The following CCDC3 variants were observed in gnomAD, a reference collection of about 807,000 sequenced individuals.
CCDC3 encodes coiled-coil domain-containing protein 3.
A neutral mutation model predicts 21.4 loss-of-function variants in CCDC3; 24 were observed. That is an observed-to-expected ratio of 1.12 (90% CI 0.81 to 1.58). The LOEUF (loss-of-function observed/expected upper bound fraction) is 1.58. Ranked by LOEUF, CCDC3 falls within the 40% of genes most tolerant of loss-of-function variation. The pLI, the probability that CCDC3 is intolerant of heterozygous loss-of-function variation, is 0.00. For missense variants in CCDC3, 425 were observed against 360.9 expected (o/e 1.18, Z -1.44); for synonymous variants, 186 against 166.0 (o/e 1.12, Z -0.93).
intron 4 of CCDC3, among the ~76,000 whole-genome samples, chr10:13,056,897 T>A (rs1374559043): frequency 2.0e-5 from 3 of 152,156 alleles, no homozygotes; most frequent in African/African-American, 7.2e-5. Context: ...AATTAATTAA[T>A]TAAGGCAGCT....
At chr10:13,022,415 T>G (rs924772210) in intron 5 of CCDC3, among the ~76,000 whole-genome samples, 17 of 152,148 alleles carry the variant, frequency 1.1e-4, no homozygotes, top group African/African-American at 4.1e-4. Flanking sequence ...CCATCTTAGA[T>G]CAGGAGCCTA....
At chr10:12,962,446 T>C (rs1835193714) in intron 2 of CCDC3, among the ~76,000 whole-genome samples, 1 of 152,070 alleles carries the variant, frequency 6.6e-6, no homozygotes. Flanking sequence ...CTACTAAATA[T>C]ACAAAAATTA....
chr10:13,047,179 G>A (rs1156658166), intron 5 of CCDC3, among the ~76,000 whole-genome samples: 1 of 145,980 alleles, frequency 6.9e-6, no homozygotes, highest in Non-Finnish European at 1.5e-5. Context: ...CATGGAAATT[G>A]TGGACCCAGA....
intron 2 of CCDC3, among the ~76,000 whole-genome samples, chr10:12,913,447 A>G (rs1564280975): frequency 6.6e-6 from 1 of 152,194 alleles, no homozygotes; most frequent in Non-Finnish European, 1.5e-5. Context: ...CTCAGACTTT[A>G]CTGAATTTGT....
At chr10:13,096,962 T>G (rs1832634587) in intron 3 of CCDC3, among the ~76,000 whole-genome samples, 1 of 152,174 alleles carries the variant, frequency 6.6e-6, no homozygotes, top group African/African-American at 2.4e-5. Context: ...AGATCAGGCT[T>G]TCTCAAAAGA....
At chr10:12,928,049 GCAGGTGTGCACACC>G (rs1397979579) in intron 2 of CCDC3, among the ~76,000 whole-genome samples, 2 of 152,222 alleles carry the variant, frequency 1.3e-5, no homozygotes, top group Non-Finnish European at 2.9e-5. Context: ...GTCAGGGAAT[GCAGGTGTGCACACC>G]CAGGGCCTCA....
At chr10:12,923,613 T>C (rs1834488087) in intron 2 of CCDC3, among the ~76,000 whole-genome samples, 1 of 152,280 alleles carries the variant, frequency 6.6e-6, no homozygotes, top group South Asian at 2.1e-4. Flanking sequence ...TGATATTTTG[T>C]GATATGATAC....
intron 2 of CCDC3, among the ~76,000 whole-genome samples, chr10:12,911,737 A>T (rs894119714): frequency 2.6e-5 from 4 of 152,208 alleles, no homozygotes; most frequent in Admixed American, 2.6e-4. Flanking sequence ...TGTAGCCACC[A>T]TGATGTCCAT....
intron 2 of CCDC3, among the ~76,000 whole-genome samples, chr10:12,984,920 C>T (rs989005978): frequency 6.6e-6 from 1 of 152,136 alleles, no homozygotes; most frequent in Non-Finnish European, 1.5e-5. Flanking sequence ...TGAGACTGAT[C>T]AGTAAAATGG....
chr10:12,987,738 G>A (rs1447485332), intron 2 of CCDC3, among the ~76,000 whole-genome samples: 1 of 152,172 alleles, frequency 6.6e-6, no homozygotes, highest in African/African-American at 2.4e-5. Flanking sequence ...ATACCCTGGG[G>A]GTGGTCGAGG....
intron 2 of CCDC3, among the ~76,000 whole-genome samples, chr10:12,978,531 G>A (rs933659989): frequency 6.7e-5 from 10 of 148,908 alleles, no homozygotes; most frequent in African/African-American, 1.0e-4. Context: ...AGAAATCTGC[G>A]GGTCCTGGAG....
intron 2 of CCDC3, among the ~76,000 whole-genome samples, chr10:12,929,261 CAAAAA>C (rs10609537): frequency 6.7e-5 from 7 of 104,568 alleles, no homozygotes; most frequent in South Asian, 3.4e-4. Context: ...GATTCCATCT[CAAAAA>C]AAAAAAAAAA....
At chr10:13,067,255 T>G (rs1020147672) in intron 4 of CCDC3, among the ~76,000 whole-genome samples, 1 of 152,220 alleles carries the variant, frequency 6.6e-6, no homozygotes, top group Non-Finnish European at 1.5e-5. Context: ...GGACAGCAAT[T>G]AAGTTTCTCT....
At chr10:13,089,529 C>T (rs77295048) in intron 3 of CCDC3, among the ~76,000 whole-genome samples, 3,977 of 152,188 alleles carry the variant, frequency 0.026, 83 homozygotes, top group Non-Finnish European at 0.039. Context: ...CTTTTCCTCA[C>T]TTGACTTCGG....
chr10:13,014,534 A>T (rs529475040), intron 5 of CCDC3, among the ~76,000 whole-genome samples: 2 of 152,136 alleles, frequency 1.3e-5, no homozygotes, highest in East Asian at 3.9e-4. Flanking sequence ...ACAATTCTGA[A>T]TTAGATCCTT....
chr10:13,009,961 G>A (rs1835965333), intron 5 of CCDC3, among the ~76,000 whole-genome samples: 1 of 152,168 alleles, frequency 6.6e-6, no homozygotes, highest in African/African-American at 2.4e-5. Context: ...AAAACTGAAT[G>A]ATATAGCTGG....
intron 4 of CCDC3, among the ~76,000 whole-genome samples, chr10:13,068,728 C>A (rs1424683849): frequency 6.6e-6 from 1 of 152,164 alleles, no homozygotes; most frequent in Non-Finnish European, 1.5e-5. Flanking sequence ...ATAATTATAA[C>A]AACTTACTAG....
At chr10:13,046,952 A>C (rs1836537284) in intron 5 of CCDC3, among the ~76,000 whole-genome samples, 1 of 151,932 alleles carries the variant, frequency 6.6e-6, no homozygotes, top group Non-Finnish European at 1.5e-5. Context: ...CTTTCTAAAA[A>C]AAAAAAAAAA....
chr10:12,944,770 C>T (rs957629576), intron 2 of CCDC3, among the ~76,000 whole-genome samples: 1 of 152,190 alleles, frequency 6.6e-6, no homozygotes, highest in African/African-American at 2.4e-5. Flanking sequence ...CTCTGTAGTA[C>T]AAAATTTGTT....
Sources: gnomAD v4.1 joint callset for allele counts (sites outside exome capture counted in the v4.1 genomes callset) on GRCh38, gnomAD v4.1.1 for gene constraint, MANE v1.5 for transcripts, NCBI Gene and HGNC (gene_info 2026-07-23, HGNC 2026-07-21) for gene names.